Variants in CLASP1 observed in about 807,000 individuals in gnomAD.
CLASP1 encodes the protein cytoplasmic linker associated protein 1, also known as CLIP-associating protein 1.
A neutral mutation model predicts 192.3 loss-of-function variants in CLASP1; 38 were observed. The observed-to-expected ratio is 0.20, with a 90% CI of 0.15 to 0.26. CLASP1 has a LOEUF of 0.26. Among genes scored for constraint, CLASP1 ranks in the 10% least tolerant of loss-of-function variants. The pLI is 1.00. For missense variants in CLASP1, 1,433 were observed against 1,932.5 expected (o/e 0.74, Z 4.85); for synonymous variants, 691 against 712.8 (o/e 0.97, Z 0.49).
chr2:121,441,151 C>A (rs1264863204), intron 19 of CLASP1, among the ~76,000 whole-genome samples: 1 of 152,170 alleles, frequency 6.6e-6, no homozygotes, highest in Admixed American at 6.5e-5. Flanking sequence ...AAATGAAAAA[C>A]CACTAGAGAG....
At chr2:121,339,799 GTC>G (rs1161917479) in exon 40 of CLASP1, 1 of 152,162 alleles carries the variant, frequency 6.6e-6, no homozygotes, top group East Asian at 1.9e-4. Context: ...GTGATATCCA[GTC>G]TCTCTAGGCT....
Position 121,530,884 on chromosome 2 carries a change from A to G in CLASP1, c.196-559T>C, listed in dbSNP as rs533487249. The stretch of plus-strand genomic sequence containing the variant: ...AGCCCAGGGACTTTCTATTATAACC[A>G]TCCTTTTCTTGGGGTTGCGCTACTG... On this transcript the variant is annotated intron_variant, in intron 2 of 39. Coordinates refer to ENST00000263710, the Ensembl canonical transcript of CLASP1. 161 of 692,674 alleles carry G rather than the reference A, an allele frequency of 2.3e-4. 1 individual carries two copies. Among genetic ancestry groups the G allele is most frequent in the Middle Eastern group, 1.5e-3 (4 of 2,716 alleles). 42.9% of individuals were successfully genotyped at this position (692,674 alleles called of 1,614,324 possible).
At chr2:121,629,107 T>A (rs1209752841) in intron 1 of CLASP1, among the ~76,000 whole-genome samples, 2 of 152,108 alleles carry the variant, frequency 1.3e-5, no homozygotes, top group Non-Finnish European at 2.9e-5. Flanking sequence ...AAAAATCTGT[T>A]CTTGCCGGGC....
chr2:121,578,187 C>A (rs1216090695), intron 2 of CLASP1, among the ~76,000 whole-genome samples: 1 of 151,900 alleles, frequency 6.6e-6, no homozygotes, highest in East Asian at 2.0e-4. Flanking sequence ...CCCACCTCGG[C>A]ATCCCAAAGT....
rs781374296 is a variant in CLASP1, at chr2:121,402,611, G to C, written c.2734-741C>G. The C allele has an allele frequency of 1.2e-5, 6 of 518,852 alleles. No individual in the cohort carries two copies. The Admixed American group carries it at 1.2e-4, about 10-fold the overall frequency. The allele number at this position is 518,852 out of a possible 1,614,324, so 32.1% of individuals were successfully genotyped here. A position where few individuals can be genotyped will look rare whatever the true frequency, so the allele number is the denominator to read the frequency against. ...CAAACTCACTGTACAAGAGACTTCT[G>C]ATGGAAACAAATTTCCTTCTTTATC... On this transcript the variant is annotated intron_variant, in intron 26 of 39. Transcript: ENST00000263710.
At chr2:121,559,638 A>G (rs896239210) in intron 2 of CLASP1, among the ~76,000 whole-genome samples, 3 of 152,206 alleles carry the variant, frequency 2.0e-5, no homozygotes, top group African/African-American at 7.2e-5. Flanking sequence ...AGAGACAGAA[A>G]AAAAAAATCC....
At chr2:121,585,626 C>A (rs542613527) in intron 2 of CLASP1, among the ~76,000 whole-genome samples, 6 of 152,276 alleles carry the variant, frequency 3.9e-5, no homozygotes, top group South Asian at 4.1e-4. Context: ...TTTGGCCAGG[C>A]ATGGTGGCTA....
chr2:121,583,096 C>G (rs2061381880), intron 2 of CLASP1, among the ~76,000 whole-genome samples: 1 of 152,110 alleles, frequency 6.6e-6, no homozygotes, highest in Non-Finnish European at 1.5e-5. Context: ...AAAGGTGTTT[C>G]ACTTATTCAT....
At chr2:121,451,212 C>T (rs1360768920) in intron 15 of CLASP1, among the ~76,000 whole-genome samples, 1 of 152,332 alleles carries the variant, frequency 6.6e-6, no homozygotes, top group Non-Finnish European at 1.5e-5. Context: ...AACCTACCCA[C>T]GCCTAAGGAC....
intron 19 of CLASP1, among the ~76,000 whole-genome samples, chr2:121,434,521 C>A (rs2081983080): frequency 2.0e-5 from 3 of 152,226 alleles, no homozygotes; most frequent in Admixed American, 6.5e-5. Flanking sequence ...TCACCTTGGC[C>A]TCCCAAAGTG....
In CLASP1 at chr2:121,341,028, C is replaced by A. The variant is rs192252678; in HGVS notation, c.4531-81G>T. On this transcript the variant is annotated intron_variant, in intron 39 of 39. Coordinates refer to ENST00000263710, the Ensembl canonical transcript of CLASP1. The stretch of plus-strand genomic sequence containing the variant: ...AAACAGCAAAAAGAATCCCAGGTGA[C>A]AGTAAGGAAACAGCAAGTCCCTTAG... The A allele has an allele frequency of 9.4e-5, 87 of 925,394 alleles. No homozygotes were observed. In the Middle Eastern group the frequency reaches 1.5e-3, roughly 16 times the overall value. 57.3% of individuals were successfully genotyped at this position (925,394 alleles called of 1,614,324 possible). A position where few individuals can be genotyped will look rare whatever the true frequency, so the allele number is the denominator to read the frequency against.
chr2:121,398,759 C>G (rs2075701697), intron 28 of CLASP1, among the ~76,000 whole-genome samples: 1 of 152,156 alleles, frequency 6.6e-6, no homozygotes, highest in Non-Finnish European at 1.5e-5. Flanking sequence ...ACTTCTGATA[C>G]CCAAATCTCA....
At chr2:121,478,368 A>G (rs2091898237) in intron 8 of CLASP1, among the ~76,000 whole-genome samples, 1 of 152,162 alleles carries the variant, frequency 6.6e-6, no homozygotes, top group African/African-American at 2.4e-5. Flanking sequence ...TGGGAGGCCA[A>G]GGCGGGCGGA....
intron 27 of CLASP1, 38 bp downstream of exon 28, chr2:121,401,830 T>A: frequency 1.3e-6 from 1 of 769,988 alleles, no homozygotes. Context: ...GAAAATGTAG[T>A]GCAGAAAACA....
chr2:121,485,687 A>G (rs899959067), intron 8 of CLASP1, among the ~76,000 whole-genome samples: 2 of 152,192 alleles, frequency 1.3e-5, no homozygotes, highest in Non-Finnish European at 2.9e-5. Context: ...AACACAGTAA[A>G]ACCCTGTCAC....
chr2:121,409,403 C>T (rs1397650014), intron 24 of CLASP1, among the ~76,000 whole-genome samples: 1 of 152,158 alleles, frequency 6.6e-6, no homozygotes, highest in Non-Finnish European at 1.5e-5. Flanking sequence ...GGCAAAGATT[C>T]TGTACCATTT....
At chr2:121,346,074 C>T (rs763113045) in intron 39 of CLASP1, among the ~76,000 whole-genome samples, 3 of 152,246 alleles carry the variant, frequency 2.0e-5, no homozygotes, top group Non-Finnish European at 2.9e-5. Context: ...ATCAAAGCAA[C>T]AGCTCAATCT....
intron 1 of CLASP1, among the ~76,000 whole-genome samples, chr2:121,647,541 CT>C (rs2073395496): frequency 6.6e-6 from 1 of 152,084 alleles, no homozygotes; most frequent in Non-Finnish European, 1.5e-5. Context: ...CTGAACTACA[CT>C]TAAAGAGATT....
intron 8 of CLASP1, among the ~76,000 whole-genome samples, chr2:121,478,976 A>ACCC: frequency 1.9e-5 from 1 of 51,302 alleles, no homozygotes; most frequent in African/African-American, 9.3e-5. Context: ...CACACACCAC[A>ACCC]CACACACCAC....
Sources: allele counts gnomAD v4.1 joint callset (sites outside exome capture counted in the v4.1 genomes callset), GRCh38; gene constraint gnomAD v4.1.1; transcripts MANE v1.5; gene names NCBI Gene and HGNC (gene_info 2026-07-23, HGNC 2026-07-21).